The following LSM14A variants were observed in gnomAD, a reference collection of about 807,000 sequenced individuals.
LSM14A encodes LSM14A mRNA processing body assembly factor, also known as protein LSM14 homolog A.
LSM14A carries 14 observed loss-of-function variants against 52.4 expected under a neutral mutation model. The ratio of observed to expected loss-of-function variants is 0.27; its 90% CI spans 0.18 to 0.42. The LOEUF is 0.42. LSM14A is among the 10% of genes least tolerant of loss of function. The pLI is 1.00. For synonymous variants in LSM14A, 185 were observed against 200.3 expected, an observed-to-expected ratio of 0.92 and a Z score of 0.64; for missense variants, 417 against 581.8, an observed-to-expected ratio of 0.72 and a Z score of 2.91.
chr19:34,194,420 G>C lies in LSM14A; in HGVS notation c.122-58G>C, dbSNP rs192135138. ...TTGAAATACAACATTTAGAATCTGG[G>C]GTACTACCTGAATGTGATGAGTAGT... is the stretch of plus-strand genomic sequence containing the variant. On this transcript the variant is annotated intron_variant, in intron 1 of 9. Coordinates refer to ENST00000544216, the MANE Select transcript of LSM14A (RefSeq NM_015578.4). 1.3e-5 allele frequency: 18 copies of C among 1,366,338 alleles called. No individual in the cohort carries two copies. The East Asian group carries it at 4.1e-4, about 31-fold the overall frequency. The allele number at this position is 1,366,338 out of a possible 1,614,324, so 84.6% of individuals were successfully genotyped here. A position where few individuals can be genotyped will look rare whatever the true frequency, so the allele number is the denominator to read the frequency against.
chr19:34,196,093 T>C (rs1275567931), intron 2 of LSM14A, among the ~76,000 whole-genome samples: 1 of 152,220 alleles, frequency 6.6e-6, no homozygotes, highest in Non-Finnish European at 1.5e-5. Flanking sequence ...ATATGTTATA[T>C]ATTTTATATG....
intron 6 of LSM14A, 62 bp downstream of exon 6, chr19:34,215,723 T>C: frequency 7.0e-6 from 8 of 1,136,348 alleles, no homozygotes; most frequent in South Asian, 2.6e-5. Flanking sequence ...ATTTTAAATA[T>C]ATGATACATA....
In LSM14A at chr19:34,192,319, G is replaced by GTTGTTTTTTTTTTTTTT. The variant is rs60512063; in HGVS notation, c.122-2157_122-2156insGTTTTTTTTTTTTTTTT. On this transcript the variant is annotated intron_variant, in intron 1 of 9. Transcript: ENST00000544216. ...ACACTGAAATAACATTCTTTTTGTTGTTTTTTTTTTTTTTTTTTTTTTTGG... is the reference window on the plus strand; with the variant it reads ...ACACTGAAATAACATTCTTTTTGTTGTTGTTTTTTTTTTTTTTTTTTTTTTTTTTTTTTTTTTTTTGG... 5.4e-4 allele frequency among the ~76,000 whole-genome samples: 29 copies of GTTGTTTTTTTTTTTTTT among 53,396 alleles called. 2 individuals are homozygous for GTTGTTTTTTTTTTTTTT. The highest frequency in any genetic ancestry group is 2.3e-3 in the African/African-American group (28 of 12,352). 35.0% of individuals were successfully genotyped at this position (53,396 alleles called of 152,430 possible). A position where few individuals can be genotyped will look rare whatever the true frequency, so the allele number is the denominator to read the frequency against.
At chr19:34,188,395 G>C (rs1194762934) in intron 1 of LSM14A, among the ~76,000 whole-genome samples, 1 of 152,180 alleles carries the variant, frequency 6.6e-6, no homozygotes, top group Non-Finnish European at 1.5e-5. Context: ...AACTACTTTT[G>C]TCATTCTCTG....
intron 4 of LSM14A, among the ~76,000 whole-genome samples, chr19:34,212,028 G>A (rs2072199653): frequency 6.6e-6 from 1 of 152,054 alleles, no homozygotes; most frequent in Non-Finnish European, 1.5e-5. Flanking sequence ...GAAAGCAATA[G>A]GCAGGCAGAA....
At chr19:34,183,270 CG>C (rs553104957) in intron 1 of LSM14A, among the ~76,000 whole-genome samples, 254 of 152,058 alleles carry the variant, frequency 1.7e-3, no homozygotes, top group Non-Finnish European at 3.1e-3. Context: ...TACATAAACC[CG>C]GCCGGGCGCA....
intron 4 of LSM14A, among the ~76,000 whole-genome samples, chr19:34,210,921 A>C (rs1465251114): frequency 6.6e-6 from 1 of 152,178 alleles, no homozygotes; most frequent in East Asian, 1.9e-4. Flanking sequence ...AGAAGCATAA[A>C]TATTGAAATT....
chr19:34,224,507 T>C (rs1055400001), intron 9 of LSM14A, among the ~76,000 whole-genome samples: 3 of 152,218 alleles, frequency 2.0e-5, no homozygotes, highest in African/African-American at 7.2e-5. Flanking sequence ...TCCATGCATC[T>C]TTGTCTACGC....
chr19:34,211,997 GAA>G (rs747846297), intron 4 of LSM14A, among the ~76,000 whole-genome samples: 21 of 152,102 alleles, frequency 1.4e-4, no homozygotes, highest in Non-Finnish European at 2.8e-4. Context: ...AGCAATGCAG[GAA>G]AAAAGAAAGA....
chr19:34,204,349 T>G (rs971713244), intron 3 of LSM14A, among the ~76,000 whole-genome samples: 5 of 152,184 alleles, frequency 3.3e-5, no homozygotes, highest in Admixed American at 3.3e-4. Flanking sequence ...CCAGATAATT[T>G]GGTATCAAGT....
chr19:34,180,377 T>G (rs1339458525), intron 1 of LSM14A, among the ~76,000 whole-genome samples: 2 of 152,224 alleles, frequency 1.3e-5, no homozygotes, highest in Non-Finnish European at 2.9e-5. Flanking sequence ...AGCTTTTTGG[T>G]CTTGGACAAG....
intron 8 of LSM14A, among the ~76,000 whole-genome samples, chr19:34,221,072 G>C (rs1434624584): frequency 2.0e-5 from 3 of 146,466 alleles, no homozygotes; most frequent in East Asian, 2.0e-4. Context: ...TGATAACTTA[G>C]ATAAGATGCT....
At chr19:34,199,117 ATTAT>A (rs569671773) in intron 3 of LSM14A, among the ~76,000 whole-genome samples, 11 of 152,070 alleles carry the variant, frequency 7.2e-5, no homozygotes, top group South Asian at 6.2e-4. Context: ...TATTGGTGTT[ATTAT>A]TTATTTATTT....
chr19:34,219,862 C>T lies in LSM14A; in HGVS notation c.1121C>T (p.Ser374Phe). The T allele has an allele frequency of 6.2e-7, 1 of 1,608,564 alleles. No homozygotes were observed. Among genetic ancestry groups the T allele is most frequent in the Non-Finnish European group, 8.5e-7 (1 of 1,175,868 alleles). ...DKTKSFFDNI[S>F]CDDNRERRPT... is the part of the protein sequence containing the mutation. ...ACTAAATCCTTCTTTGATAATATTT[C>T]TTGTGATGACAATAGGTACAGTTTT... is the stretch of plus-strand genomic sequence containing the variant. The change falls in exon 8 of 10, where the codon TCT becomes TTT. Residue 374 changes from serine to phenylalanine, a missense_variant. Around this residue, in one of 2 missense-constraint regions of LSM14A, gnomAD observed 357 missense variants for 457.0 expected, o/e 0.78. Coordinates refer to ENST00000544216, the MANE Select transcript of LSM14A (RefSeq NM_015578.4).
chr19:34,227,702 G>GT lies in LSM14A; in HGVS notation c.*326dup, dbSNP rs918947402. 0.031 allele frequency: 6,866 copies of GT among 224,890 alleles called. 1 individual carries two copies. Among genetic ancestry groups the GT allele is most frequent in the Middle Eastern group, 0.059 (41 of 692 alleles). 13.9% of individuals were successfully genotyped at this position (224,890 alleles called of 1,614,324 possible). The stretch of plus-strand genomic sequence containing the variant: ...ACAAGTATTTTTTCATCACTGAAAG[G>GT]TTTTTTTTTTTTATCACTAAATTGT... On this transcript the variant is annotated 3_prime_UTR_variant, in exon 10 of 10. Transcript: ENST00000544216.
Position 34,215,116 on chromosome 19 carries a change from C to T in LSM14A, c.539-8C>T. 6.3e-7 allele frequency: 1 copy of T among 1,598,932 alleles called. No homozygotes were observed. Among genetic ancestry groups the T allele is most frequent in the Non-Finnish European group, 8.5e-7 (1 of 1,174,942 alleles). ...AGGGTAGTTTGTTATCTTTTGGTTA[C>T]ATTTTAGGTCGCTCAAGCCCTCAGT... On this transcript the variant is annotated splice_polypyrimidine_tract_variant and splice_region_variant and intron_variant, in intron 4 of 9. Coordinates refer to ENST00000544216, the MANE Select transcript of LSM14A (RefSeq NM_015578.4).
rs1334123014 is a variant in LSM14A at position 34,217,986 on chromosome 19, C to A, written c.782-1405C>A. Among the ~76,000 whole-genome samples the A allele has an allele frequency of 2.1e-5, 3 of 143,838 alleles. No individual in the cohort carries two copies. The Admixed American group carries it at 2.2e-4, about 11-fold the overall frequency. The allele number at this position is 143,838 out of a possible 152,430, so 94.4% of individuals were successfully genotyped here. A position where few individuals can be genotyped will look rare whatever the true frequency, so the allele number is the denominator to read the frequency against. ...ATTTTACAGACACAGACATCTATAC[C>A]CAAAACCTTTTTTTTTTTTTTTTTT... On this transcript the variant is annotated intron_variant, in intron 6 of 9. Transcript: ENST00000544216.
chr19:34,226,068 AAAAAG>A (rs1403588724), intron 9 of LSM14A, among the ~76,000 whole-genome samples: 1 of 152,026 alleles, frequency 6.6e-6, no homozygotes, highest in African/African-American at 2.4e-5. Context: ...CTCAAAAAAA[AAAAAG>A]AAAAGAAAGA....
At chr19:34,192,988 GA>G (rs1231069208) in intron 1 of LSM14A, among the ~76,000 whole-genome samples, 1 of 151,054 alleles carries the variant, frequency 6.6e-6, no homozygotes. Context: ...CAAAAAAAAA[GA>G]AAAAAAATAG....
Sources: gnomAD v4.1 joint callset for allele counts (sites outside exome capture counted in the v4.1 genomes callset) on GRCh38, gnomAD v4.1.1 for gene constraint, gnomAD v4.1.1 regional missense constraint, MANE v1.5 for transcripts, NCBI Gene and HGNC (gene_info 2026-07-23, HGNC 2026-07-21) for gene names.